EXTL3: variants seen among roughly 807,000 people sequenced by gnomAD.
The protein encoded by EXTL3 is exostosin like glycosyltransferase 3, also known as exostosin-like 3.
EXTL3 carries 27 observed loss-of-function variants against 69.3 expected under a neutral mutation model. The ratio of observed to expected loss-of-function variants is 0.39; its 90% CI spans 0.29 to 0.54. EXTL3 has a LOEUF of 0.54. EXTL3 is among the 20% of genes least tolerant of loss of function. The pLI is 0.69. For missense variants in EXTL3, 1,003 were observed against 1,231.8 expected (o/e 0.81, Z 2.78); for synonymous variants, 511 against 499.4 (o/e 1.02, Z -0.31).
At chr8:28,632,554 CTTTTT>C (rs1172375819) in intron 1 of EXTL3, among the ~76,000 whole-genome samples, 4 of 126,620 alleles carry the variant, frequency 3.2e-5, no homozygotes, top group African/African-American at 3.0e-5. Flanking sequence ...CTCATTTATT[CTTTTT>C]TTTTTTTTTT....
At chr8:28,726,883 T>C (rs1448061632) in intron 3 of EXTL3, among the ~76,000 whole-genome samples, 5 of 126,868 alleles carry the variant, frequency 3.9e-5, no homozygotes, top group South Asian at 2.7e-4. Flanking sequence ...TCTTTTCTTT[T>C]TTTTTTTTTT....
upstream of EXTL3, among the ~76,000 whole-genome samples, chr8:28,620,256 G>T (rs1806393567): frequency 6.6e-6 from 1 of 152,074 alleles, no homozygotes; most frequent in South Asian, 2.1e-4. Context: ...TCTGAGATCT[G>T]CTAGGTCCCC....
intron 2 of EXTL3, among the ~76,000 whole-genome samples, chr8:28,610,215 A>G (rs369548422): frequency 2.7e-4 from 40 of 149,328 alleles, no homozygotes; most frequent in Admixed American, 9.4e-4. Flanking sequence ...AAATATGTAT[A>G]TGTGTGTGTG....
chr8:28,612,471 AAAAAAAGAAAAAAG>A (rs562535571), intron 2 of EXTL3, among the ~76,000 whole-genome samples: 10 of 151,772 alleles, frequency 6.6e-5, no homozygotes, highest in African/African-American at 2.2e-4. Flanking sequence ...CTTAAAAAAA[AAAAAAAGAAAAAAG>A]AAAAAAAGAA....
intron 1 of EXTL3, among the ~76,000 whole-genome samples, chr8:28,645,180 C>A (rs1381532496): frequency 6.6e-6 from 1 of 152,114 alleles, no homozygotes; most frequent in Non-Finnish European, 1.5e-5. Flanking sequence ...AAAAAAGAAA[C>A]AAACATGAAA....
Position 28,723,962 on chromosome 8 carries a change from T to C in EXTL3, c.2148+5755T>C, listed in dbSNP as rs114086582. On this transcript the variant is annotated intron_variant, in intron 3 of 6. Coordinates refer to ENST00000220562, the MANE Select transcript of EXTL3 (RefSeq NM_001440.4). The stretch of plus-strand genomic sequence containing the variant: ...CACCAGGTCTTAGGACTTCTGACAA[T>C]AGATATGTATTTTTTTTCTTTTTTT... Among the ~76,000 whole-genome samples the C allele has an allele frequency of 9.7e-3, 1,473 of 151,312 alleles. 22 individuals are homozygous for C. Among genetic ancestry groups the C allele is most frequent in the African/African-American group, 0.033 (1,373 of 41,116 alleles).
intron 1 of EXTL3, among the ~76,000 whole-genome samples, chr8:28,655,020 A>G (rs552217792): frequency 1.3e-5 from 2 of 152,326 alleles, no homozygotes; most frequent in South Asian, 2.1e-4. Flanking sequence ...TCTGACCCTC[A>G]TCATTTACCT....
At chr8:28,636,748 C>T (rs564244703) in intron 1 of EXTL3, among the ~76,000 whole-genome samples, 6 of 152,302 alleles carry the variant, frequency 3.9e-5, no homozygotes, top group Admixed American at 2.0e-4. Flanking sequence ...TGGTGGCTTA[C>T]GCCTGTAACC....
chr8:28,717,350 G>A lies in EXTL3; in HGVS notation c.1291G>A (p.Ala431Thr), dbSNP rs1484770197. 6.8e-6 allele frequency: 11 copies of A among 1,614,070 alleles called. No individual in the cohort carries two copies. The highest frequency in any genetic ancestry group is 1.7e-5 in the Admixed American group (1 of 60,002). The change falls in exon 3 of 7, where the codon GCC becomes ACC. Residue 431 changes from alanine (A) to threonine (T), a missense_variant. Physicochemically the swap from Ala to Thr is moderately conservative, Grantham distance 58. This residue lies in a region of EXTL3 where 742 missense variants were observed against 815.4 expected (regional missense o/e 0.91). Transcript: ENST00000220562. The surrounding 1 kb of genome is among the most constrained non-coding windows in gnomAD (Gnocchi z 8.3). The stretch of plus-strand genomic sequence containing the variant: ...GGAATTGCTGAAGCTCTCCACCTTC[G>A]CCCTCATCATTACCCCCGGGGACCC... ...RLELLKLSTF[A>T]LIITPGDPRL... is the part of the protein sequence containing the mutation.
At chr8:28,610,239 T>TGTGTGTGTGTGTG in intron 2 of EXTL3, among the ~76,000 whole-genome samples, 1 of 112,626 alleles carries the variant, frequency 8.9e-6, no homozygotes, top group African/African-American at 3.7e-5. Flanking sequence ...GTGTGTGTGT[T>TGTGTGTGTGTGTG]TGTGTATGCA....
intron 3 of EXTL3, 140 bp downstream of exon 3, chr8:28,718,347 T>A: frequency 1.2e-6 from 1 of 863,310 alleles, no homozygotes; most frequent in South Asian, 1.4e-5. Context: ...CCTGTATAGA[T>A]TCCTTTCTTC....
At chr8:28,730,922 G>A (rs1400090543) in intron 3 of EXTL3, among the ~76,000 whole-genome samples, 4 of 152,180 alleles carry the variant, frequency 2.6e-5, no homozygotes, top group Non-Finnish European at 5.9e-5. Context: ...TCTTGGGAGA[G>A]TTGTTTTTAA....
intron 5 of EXTL3, among the ~76,000 whole-genome samples, chr8:28,737,945 C>T (rs1013688993): frequency 7.4e-6 from 1 of 135,054 alleles, no homozygotes; most frequent in African/African-American, 2.9e-5. Context: ...ACTGAGGGCA[C>T]TGGGCTAAAG....
rs370349978 is a variant in EXTL3 at position 28,608,858 on chromosome 8, CAAAACA to C, written n.314+1125_314+1130del. 8.2e-3 allele frequency among the ~76,000 whole-genome samples: 1,242 copies of C among 151,952 alleles called. 26 individuals are homozygous for C. Among genetic ancestry groups the C allele is most frequent in the East Asian group, 0.049 (256 of 5,188 alleles). ...TGGGAGATAGAGCAAGACTGTGTCT[CAAAACA>C]AAAACAAAAACAAAAACAAAAACAC... On this transcript the variant is annotated intron_variant and non_coding_transcript_variant, in intron 2 of 4. Transcript: ENST00000522725.
At chr8:28,683,723 T>A (rs1807529338) in intron 1 of EXTL3, among the ~76,000 whole-genome samples, 1 of 151,748 alleles carries the variant, frequency 6.6e-6, no homozygotes, top group African/African-American at 2.4e-5. Context: ...GGCAGGAGAA[T>A]GGCGAGAACC....
upstream of EXTL3, among the ~76,000 whole-genome samples, chr8:28,618,577 G>A (rs1806359416): frequency 1.3e-5 from 2 of 152,278 alleles, no homozygotes; most frequent in Admixed American, 1.3e-4. Context: ...GGTTGAACCT[G>A]GCGCAGCAAG....
At position 28,716,639 on chromosome 8, in the gene EXTL3, T is replaced by G; in HGVS notation, c.580T>G (p.Phe194Val). 1 of 1,614,256 alleles carries G rather than the reference T, an allele frequency of 6.2e-7. No individual in the cohort carries two copies. The highest frequency in any genetic ancestry group is 8.5e-7 in the Non-Finnish European group (1 of 1,180,036). The change falls in exon 3 of 7, where the codon TTC becomes GTC. Residue 194 changes from phenylalanine (F) to valine (V), a missense_variant. Coordinates refer to ENST00000220562, the MANE Select transcript of EXTL3 (RefSeq NM_001440.4). The surrounding 1 kb of genome is among the most constrained non-coding windows in gnomAD (Gnocchi z 7.1). ...DYSRCPLTSG[F>V]PVYVYDSDQF... ...TTCTCGTTGCCCTCTCACCTCTGGCTTCCCGGTCTACGTCTATGACAGTGA... is the reference window on the plus strand; with the variant it reads ...TTCTCGTTGCCCTCTCACCTCTGGCGTCCCGGTCTACGTCTATGACAGTGA...
At chr8:28,669,251 A>T (rs1807247513) in intron 1 of EXTL3, among the ~76,000 whole-genome samples, 1 of 152,194 alleles carries the variant, frequency 6.6e-6, no homozygotes, top group South Asian at 2.1e-4. Flanking sequence ...CACTGCACTA[A>T]CTATAAGGAA....
chr8:28,718,185 C>T lies in EXTL3; in HGVS notation c.2126C>T (p.Pro709Leu). The part of the protein sequence containing the change: ...PKLPSEDLLW[P>L]DIGVPIMVVR... ...CTGCCATCAGAGGACCTTCTGTGGC[C>T]TGACATTGGCGTCCCCATCATGGTA... Residue 709 changes from proline (P) to leucine (L), a missense_variant, in exon 3 of 7, where the codon CCT becomes CTT. Pro to Leu is a moderately conservative substitution (Grantham distance 98). Coordinates refer to ENST00000220562, the MANE Select transcript of EXTL3 (RefSeq NM_001440.4). 6.2e-7 allele frequency: 1 copy of T among 1,614,146 alleles called. No homozygotes were observed. The highest frequency in any genetic ancestry group is 8.5e-7 in the Non-Finnish European group (1 of 1,180,010).
Sources: allele counts gnomAD v4.1 joint callset (sites outside exome capture counted in the v4.1 genomes callset), GRCh38; gene constraint gnomAD v4.1.1; regional missense constraint gnomAD v4.1.1; non-coding constraint Gnocchi (gnomAD v3.1); transcripts MANE v1.5; gene names NCBI Gene and HGNC (gene_info 2026-07-23, HGNC 2026-07-21).